The following SERPINB8 variants were observed in gnomAD, a reference collection of about 807,000 sequenced individuals.
SERPINB8 encodes the protein serpin family B member 8.
SERPINB8 carries 25 observed loss-of-function variants against 35.3 expected under a neutral mutation model. That is an observed-to-expected ratio of 0.71 (90% CI 0.52 to 0.99). SERPINB8 has a LOEUF of 0.99. Among genes scored for constraint, SERPINB8 ranks in the 50% least tolerant of loss-of-function variants. SERPINB8 has a pLI of 0.00. For missense variants in SERPINB8, 484 were observed against 446.5 expected, an observed-to-expected ratio of 1.08 and a Z score of -0.76; for synonymous variants, 186 against 160.8, an observed-to-expected ratio of 1.16 and a Z score of -1.19.
At chr18:63,990,349 T>C (rs2050818377), downstream of SERPINB8, among the ~76,000 whole-genome samples, 1 of 152,176 alleles carries the variant, frequency 6.6e-6, no homozygotes, top group Non-Finnish European at 1.5e-5. Context: ...ATTCTGGGAT[T>C]ACAGGTATGA....
chr18:64,007,718 C>A (rs1032037765), downstream of SERPINB8, among the ~76,000 whole-genome samples: 1 of 152,078 alleles, frequency 6.6e-6, no homozygotes, highest in Non-Finnish European at 1.5e-5. Flanking sequence ...AGGTGCTATG[C>A]CCTTTTATAC....
chr18:64,000,504 C>A (rs2050869173), intron 1 of SERPINB8, among the ~76,000 whole-genome samples: 1 of 152,132 alleles, frequency 6.6e-6, no homozygotes, highest in African/African-American at 2.4e-5. Flanking sequence ...GCCCTTCTCC[C>A]ACCAGACTTC....
chr18:64,007,924 C>T (rs921930574), downstream of SERPINB8, among the ~76,000 whole-genome samples: 6 of 152,098 alleles, frequency 3.9e-5, no homozygotes, highest in African/African-American at 9.7e-5. Flanking sequence ...AAGAACAGAA[C>T]ATCAAAAGCC....
chr18:63,986,552 G>A (rs2050757852), intron 6 of SERPINB8: 5 of 1,323,172 alleles, frequency 3.8e-6, no homozygotes, highest in Non-Finnish European at 4.8e-6. Context: ...GAAGATTAAT[G>A]TAATGAATTG....
At chr18:64,015,840 G>T (rs1412997940) in intron 7 of SERPINB8, among the ~76,000 whole-genome samples, 2 of 152,162 alleles carry the variant, frequency 1.3e-5, no homozygotes, top group Non-Finnish European at 2.9e-5. Flanking sequence ...CAGGGCTGCT[G>T]CTTGTGTCAG....
downstream of SERPINB8, among the ~76,000 whole-genome samples, chr18:64,007,199 T>C (rs2050903979): frequency 6.6e-6 from 1 of 152,062 alleles, no homozygotes; most frequent in Non-Finnish European, 1.5e-5. Context: ...TAAACAACTT[T>C]ATGTCAATAT....
chr18:63,977,265 C>T (rs965568473), intron 1 of SERPINB8, among the ~76,000 whole-genome samples: 1 of 152,046 alleles, frequency 6.6e-6, no homozygotes, highest in Non-Finnish European at 1.5e-5. Context: ...AATAACTATA[C>T]TGACCTCAAT....
chr18:63,982,525 A>C (rs1363049934), intron 4 of SERPINB8, among the ~76,000 whole-genome samples: 1 of 152,206 alleles, frequency 6.6e-6, no homozygotes, highest in African/African-American at 2.4e-5. Flanking sequence ...TCAAGGGCCA[A>C]CCTAGCACTC....
In SERPINB8 at chr18:63,983,660, GA is replaced by G; in HGVS notation, c.509del (p.Lys170SerfsTer27). The part of the protein sequence containing the change: ...LVLVNAIYFK[G>X]KWNEQFDRKY... Reference sequence around the variant, plus strand: ...CTTGTGAATGCCATTTATTTCAAGGGAAAGTGGAATGAGCAATTTGACAGAA... The same window carrying G: ...CTTGTGAATGCCATTTATTTCAAGGGAAGTGGAATGAGCAATTTGACAGAA... On this transcript the variant is annotated frameshift_variant, in exon 5 of 7. Transcript: ENST00000397985. LOFTEE classifies it high-confidence loss of function. The G allele has an allele frequency of 6.2e-7, 1 of 1,613,942 alleles. No homozygotes were observed. Among genetic ancestry groups the G allele is most frequent in the Non-Finnish European group, 8.5e-7 (1 of 1,179,834 alleles).
chr18:63,990,746 A>C (rs1467206423), downstream of SERPINB8, among the ~76,000 whole-genome samples: 1 of 130,650 alleles, frequency 7.7e-6, no homozygotes, highest in African/African-American at 2.9e-5. Flanking sequence ...AATTCCCACC[A>C]TTTCTATAAC....
At chr18:63,976,745 G>A (rs2050587973) in intron 1 of SERPINB8, among the ~76,000 whole-genome samples, 1 of 152,118 alleles carries the variant, frequency 6.6e-6, no homozygotes, top group Non-Finnish European at 1.5e-5. Flanking sequence ...TAGCCAGGAG[G>A]ATCCAAAAAT....
At chr18:63,993,793 C>T (rs2050835703), downstream of SERPINB8, among the ~76,000 whole-genome samples, 1 of 152,182 alleles carries the variant, frequency 6.6e-6, no homozygotes. Context: ...AGATTTGGTG[C>T]ACAGCCAGGG....
intron 7 of SERPINB8, among the ~76,000 whole-genome samples, chr18:64,014,516 AAG>A (rs1375083046): frequency 1.3e-5 from 2 of 152,198 alleles, no homozygotes; most frequent in African/African-American, 2.4e-5. Context: ...AAGACCTCAG[AAG>A]AGAGAGTGTG....
chr18:64,017,105 C>G (rs1012739947), intron 7 of SERPINB8, among the ~76,000 whole-genome samples: 3 of 152,118 alleles, frequency 2.0e-5, no homozygotes, highest in Non-Finnish European at 4.4e-5. Flanking sequence ...CCTTCCTGAA[C>G]CTATTCTTTA....
At chr18:64,019,006 A>C (rs2050963433) in exon 8 of SERPINB8, 1 of 152,190 alleles carries the variant, frequency 6.6e-6, no homozygotes, top group Non-Finnish European at 1.5e-5. Flanking sequence ...CATGACTGTC[A>C]CAATCTTTGT....
At chr18:63,979,769 C>A (rs1282647878) in intron 2 of SERPINB8, 32 bp from the exon 3 acceptor site, 1 of 1,612,748 alleles carries the variant, frequency 6.2e-7, no homozygotes, top group Non-Finnish European at 8.5e-7. Context: ...ATAATGGCAG[C>A]GTTAAAAGTC....
intron 6 of SERPINB8, 65 bp from the exon 7 acceptor site, chr18:63,986,809 A>T: frequency 6.8e-7 from 1 of 1,470,840 alleles, no homozygotes; most frequent in Non-Finnish European, 9.2e-7. Context: ...AGGGGTAATA[A>T]ATGGGTGTGT....
chr18:63,985,421 T>C lies in SERPINB8; in HGVS notation c.720+176T>C, dbSNP rs560142232. On this transcript the variant is annotated intron_variant, in intron 6 of 6. Transcript: ENST00000397985. Reference sequence around the variant, plus strand: ...TGTTCATGCATTTCTGTTGAGTGTATACATATATGAGTGGACAAGTTTTGA... The same window carrying C: ...TGTTCATGCATTTCTGTTGAGTGTACACATATATGAGTGGACAAGTTTTGA... Among the ~76,000 whole-genome samples the C allele has an allele frequency of 3.3e-5, 5 of 152,326 alleles. No homozygotes were observed. In the South Asian group the frequency reaches 1.0e-3, roughly 32 times the overall value.
At chr18:63,980,003 T>C in intron 3 of SERPINB8, 65 bp downstream of exon 3, 1 of 1,515,264 alleles carries the variant, frequency 6.6e-7, no homozygotes, top group Non-Finnish European at 9.1e-7. Flanking sequence ...GAAGAGCAGA[T>C]AATAAAGTAT....
Sources: gnomAD v4.1 joint callset for allele counts (sites outside exome capture counted in the v4.1 genomes callset) on GRCh38, gnomAD v4.1.1 for gene constraint, MANE v1.5 for transcripts, NCBI Gene and HGNC (gene_info 2026-07-23, HGNC 2026-07-21) for gene names.